TTN: variants seen among roughly 807,000 people sequenced by gnomAD.
TTN encodes the protein titin.
In TTN, 1,525 loss-of-function variants were observed where a neutral mutation model predicts 3,223.0. That is an observed-to-expected ratio of 0.47 (90% CI 0.45 to 0.49). The LOEUF (loss-of-function observed/expected upper bound fraction) is 0.49, where lower values mean the gene tolerates loss of function less well. Ranked by LOEUF, TTN falls within the 20% of genes least tolerant of loss-of-function variation. The pLI is 0.00. For synonymous variants in TTN, 14,094 were observed against 15,161.0 expected (o/e 0.93, Z 5.17); for missense variants, 40,786 against 43,424.0 (o/e 0.94, Z 5.40).
chr2:178,711,787 T>G (rs535111233), intron 96 of TTN, among the ~76,000 whole-genome samples, 157 bp downstream of exon 96: 1 of 152,320 alleles, frequency 6.6e-6, no homozygotes, highest in South Asian at 2.1e-4. Flanking sequence ...CTCTGTAGAA[T>G]CCATAGAAAA....
chr2:178,720,215 C>T lies in TTN; in HGVS notation c.23427G>A (p.Gly7809=), dbSNP rs2154300504. 1 of 1,613,632 alleles carries T rather than the reference C, an allele frequency of 6.2e-7. No homozygotes were observed. The highest frequency in any genetic ancestry group is 8.5e-7 in the Non-Finnish European group (1 of 1,179,680). ...CTATGGCCCGTAACTCAACAGCATC[C>T]CCAATAAGGGTTGAGGTGTCACTTA... The part of the protein sequence containing the change: ...KKLSDTSTLI[G]DAVELRAIVE... The change falls in exon 81 of 363, where the codon GGG becomes GGA. Residue 7809 remains glycine (G), a synonymous_variant. Transcript: ENST00000589042.
chr2:178,760,417 C>A (rs1447759121), intron 43 of TTN, among the ~76,000 whole-genome samples: 2 of 152,082 alleles, frequency 1.3e-5, no homozygotes, highest in Non-Finnish European at 2.9e-5. Flanking sequence ...ATAATCCCAG[C>A]TATTCAGGAG....
chr2:178,675,789 T>A (rs1198891940), intron 148 of TTN, 35 bp from the exon 149 acceptor site: 2 of 1,514,364 alleles, frequency 1.3e-6, no homozygotes, highest in Middle Eastern at 1.7e-4. Flanking sequence ...TAAGTTCAGT[T>A]TCACACACAC....
At chr2:178,783,844 C>A in intron 16 of TTN, 59 bp from the exon 17 acceptor site, 1 of 1,394,670 alleles carries the variant, frequency 7.2e-7, no homozygotes, top group Non-Finnish European at 1.0e-6. Flanking sequence ...ATCTCATAAA[C>A]TCTTAGCTCA....
chr2:178,596,638 G>T (rs1488461192), intron 294 of TTN, among the ~76,000 whole-genome samples: 1 of 152,098 alleles, frequency 6.6e-6, no homozygotes, highest in Non-Finnish European at 1.5e-5. Flanking sequence ...TAACCATTAG[G>T]CAAAAGAGCT....
rs766450778 is a variant in TTN at position 178,540,240 on chromosome 2, T to A, written c.97926A>T (p.Val32642=). 2.2e-5 allele frequency: 35 copies of A among 1,613,730 alleles called. No individual in the cohort carries two copies. Among genetic ancestry groups the A allele is most frequent in the South Asian group, 1.1e-4 (10 of 91,096 alleles). The change falls in exon 351 of 363, where the codon GTA becomes GTT. Residue 32642 remains valine (V), a synonymous_variant. Coordinates refer to ENST00000589042, the MANE Select transcript of TTN (RefSeq NM_001267550.2). ...TACACTTGGTCCATTCATGTTGATC[T>A]ACTTTTTGCATTTCAATCAAGTAGC... is the stretch of plus-strand genomic sequence containing the variant. ...VTGYLIEMQK[V]DQHEWTKCNT...
intron 142 of TTN, among the ~76,000 whole-genome samples, 170 bp from the exon 143 acceptor site, chr2:178,679,000 A>T (rs77777632): frequency 0.01 from 1,548 of 152,172 alleles, 21 homozygotes; most frequent in African/African-American, 0.035. Flanking sequence ...CACAAAAATT[A>T]AAATAAAAAA....
chr2:178,651,820 G>A, intron 205 of TTN, 64 bp downstream of exon 205: 1 of 1,602,416 alleles, frequency 6.2e-7, no homozygotes, highest in Non-Finnish European at 8.5e-7. Context: ...AGAGCACCCA[G>A]AATTATCAGG....
chr2:178,527,402 T>A, intron 362 of TTN, 44 bp downstream of exon 362: 1 of 1,595,006 alleles, frequency 6.3e-7, no homozygotes, highest in Non-Finnish European at 8.6e-7. Context: ...GACTACACCA[T>A]GTTACTTGGC....
chr2:178,555,386 T>C, intron 330 of TTN: 1 of 468,724 alleles, frequency 2.1e-6, no homozygotes, highest in Non-Finnish European at 3.7e-6. Flanking sequence ...TTACATGTGT[T>C]TTAAAGTCCA....
At chr2:178,605,836 T>C (rs2054643391) in intron 278 of TTN, 123 bp from the exon 279 acceptor site, 2 of 862,232 alleles carry the variant, frequency 2.3e-6, no homozygotes, top group Non-Finnish European at 1.6e-6. Context: ...TACATCCTTA[T>C]TTAAAATCAT....
Position 178,785,011 on chromosome 2 carries a change from T to C in TTN, c.2493+609A>G, listed in dbSNP as rs562740631. ...TGACTAATATCAAGGATTTATTACATGCTGACAACTGCAGGTTTTTATGTC... is the reference window on the plus strand; with the variant it reads ...TGACTAATATCAAGGATTTATTACACGCTGACAACTGCAGGTTTTTATGTC... On this transcript the variant is annotated intron_variant, in intron 15 of 362. Coordinates refer to ENST00000589042, the MANE Select transcript of TTN (RefSeq NM_001267550.2). Among the ~76,000 whole-genome samples, 10 of 152,322 alleles carry C rather than the reference T, an allele frequency of 6.6e-5. No individual in the cohort carries two copies. In the South Asian group the frequency reaches 8.3e-4, roughly 13 times the overall value.
intron 99 of TTN, among the ~76,000 whole-genome samples, chr2:178,708,802 C>A (rs1223722565): frequency 6.6e-6 from 1 of 152,080 alleles, no homozygotes; most frequent in African/African-American, 2.4e-5. Context: ...ACTACCTGTG[C>A]ACTGTGAGAT....
At chr2:178,666,925 T>A (rs2066045630) in intron 162 of TTN, 24 bp from the exon 163 acceptor site, 2 of 1,502,494 alleles carry the variant, frequency 1.3e-6, no homozygotes, top group South Asian at 2.6e-5. Context: ...AGTATTTTTT[T>A]TAATTGAGAA....
rs1228266226 is a variant in TTN, at chr2:178,723,215, T to C, written c.21792A>G (p.Lys7264=). 3.1e-6 allele frequency: 5 copies of C among 1,613,570 alleles called. No individual in the cohort carries two copies. Among genetic ancestry groups the C allele is most frequent in the Non-Finnish European group, 4.2e-6 (5 of 1,179,662 alleles). The part of the protein sequence containing the change: ...TGTLPISVTW[K]KDGFNITTSE... ...AGGTAGTTATGTTAAAACCATCCTT[T>C]TTCCAAGTGACAGAAATTGGAAGTG... The change falls in exon 75 of 363, where the codon AAA becomes AAG. Residue 7264 remains lysine (K), a synonymous_variant. Coordinates refer to ENST00000589042, the MANE Select transcript of TTN (RefSeq NM_001267550.2).
chr2:178,705,543 A>T (rs972482189), intron 102 of TTN, among the ~76,000 whole-genome samples, 186 bp from the exon 103 acceptor site: 5 of 152,164 alleles, frequency 3.3e-5, no homozygotes, highest in Non-Finnish European at 7.4e-5. Flanking sequence ...GTCGATTAAG[A>T]TCAGATGGAT....
At position 178,706,651 on chromosome 2, in the gene TTN, T is replaced by G; in HGVS notation, c.29223A>C (p.Gln9741His). 1 of 1,613,960 alleles carries G rather than the reference T, an allele frequency of 6.2e-7. No homozygotes were observed. The highest frequency in any genetic ancestry group is 8.5e-7 in the Non-Finnish European group (1 of 1,179,836). ...WTKGKWRQLN[Q>H]GGRVFIHQKG... is the part of the protein sequence containing the mutation. Reference sequence around the variant, plus strand: ...TTTGGTGGATGAAAACACGACCTCCTTGGTTCAGCTGTCTCCACTTCCCTT... The same window carrying G: ...TTTGGTGGATGAAAACACGACCTCCGTGGTTCAGCTGTCTCCACTTCCCTT... Residue 9741 changes from glutamine to histidine, a missense_variant, in exon 102 of 363, where the codon CAA (glutamine) becomes CAC (histidine). Gln to His is a conservative substitution (Grantham distance 24). Coordinates refer to ENST00000589042, the MANE Select transcript of TTN (RefSeq NM_001267550.2).
At chr2:178,538,334 G>GTTCACTCCATCTAACATCT in intron 354 of TTN, 1 of 534,442 alleles carries the variant, frequency 1.9e-6, no homozygotes, top group Non-Finnish European at 3.2e-6. Context: ...AAAGTGCTCA[G>GTTCACTCCATCTAACATCT]TTCACTCCAT....
chr2:178,606,694 G>T (rs1456706805), intron 278 of TTN, among the ~76,000 whole-genome samples: 2 of 151,886 alleles, frequency 1.3e-5, no homozygotes, highest in African/African-American at 4.8e-5. Context: ...ACGCTAGTAA[G>T]TTTTAAAAAC....
Sources: allele counts gnomAD v4.1 joint callset (sites outside exome capture counted in the v4.1 genomes callset), GRCh38; gene constraint gnomAD v4.1.1; transcripts MANE v1.5; gene names NCBI Gene and HGNC (gene_info 2026-07-23, HGNC 2026-07-21).